ABCA4: variants seen among roughly 807,000 people sequenced by gnomAD.
ABCA4 encodes the protein ATP binding cassette subfamily A member 4, also known as retinal-specific phospholipid-transporting ATPase ABCA4.
In ABCA4, 196 loss-of-function variants were observed where a neutral mutation model predicts 263.7. The ratio of observed to expected loss-of-function variants is 0.74; its 90% CI spans 0.66 to 0.84. The LOEUF (loss-of-function observed/expected upper bound fraction) is 0.84. ABCA4 is among the 40% of genes least tolerant of loss of function. ABCA4 has a pLI of 0.00. For missense variants in ABCA4, 2,792 were observed against 2,855.1 expected, an observed-to-expected ratio of 0.98 and a Z score of 0.50; for synonymous variants, 1,133 against 1,094.2, an observed-to-expected ratio of 1.04 and a Z score of -0.70.
intron 16 of ABCA4, among the ~76,000 whole-genome samples, chr1:94,053,945 C>G (rs2101066161): frequency 6.6e-6 from 1 of 152,274 alleles, no homozygotes; most frequent in South Asian, 2.1e-4. Flanking sequence ...TGAGTTTGTC[C>G]CTCCCCATGG....
At chr1:94,101,495 A>G (rs897374312) in intron 5 of ABCA4, among the ~76,000 whole-genome samples, 8 of 152,196 alleles carry the variant, frequency 5.3e-5, no homozygotes, top group African/African-American at 1.9e-4. Context: ...CCAGAAAAGC[A>G]GGTATGAGCT....
chr1:94,017,131 T>C (rs142805949), intron 36 of ABCA4, among the ~76,000 whole-genome samples: 1 of 152,242 alleles, frequency 6.6e-6, no homozygotes, highest in East Asian at 1.9e-4. Context: ...GATGAATAAA[T>C]GGAAAATTGT....
chr1:94,048,660 A>G (rs1267846580), intron 18 of ABCA4, among the ~76,000 whole-genome samples: 4 of 152,208 alleles, frequency 2.6e-5, no homozygotes, highest in Non-Finnish European at 4.4e-5. Flanking sequence ...TTCTCCAGGA[A>G]ATATGCGCTA....
intron 20 of ABCA4, 111 bp from the exon 21 acceptor site, chr1:94,043,586 T>A: frequency 1.4e-6 from 2 of 1,421,550 alleles, no homozygotes; most frequent in Non-Finnish European, 1.9e-6. Flanking sequence ...ATCAAGATGC[T>A]CACTGTGGTG....
intron 6 of ABCA4, among the ~76,000 whole-genome samples, chr1:94,088,855 C>A (rs1557799304): frequency 6.6e-6 from 1 of 152,226 alleles, no homozygotes. Context: ...AGCCCAGAGG[C>A]ACAACCTAAG....
chr1:94,095,936 A>G (rs187979599), intron 6 of ABCA4, among the ~76,000 whole-genome samples: 1 of 151,788 alleles, frequency 6.6e-6, no homozygotes, highest in African/African-American at 2.4e-5. Context: ...GAGGCCGACT[A>G]CGGCAGAGCT....
intron 16 of ABCA4, among the ~76,000 whole-genome samples, chr1:94,053,278 G>A (rs747348026): frequency 2.0e-5 from 3 of 152,190 alleles, no homozygotes; most frequent in East Asian, 1.9e-4. Flanking sequence ...ATCTGAAGAC[G>A]GGGAAGCCTT....
chr1:94,008,102 G>A (rs1271493380), intron 42 of ABCA4, 133 bp downstream of exon 42: 3 of 828,142 alleles, frequency 3.6e-6, no homozygotes, highest in Non-Finnish European at 6.1e-6. Context: ...GCTAGTGGAA[G>A]ATTTAAAATT....
At chr1:94,022,299 T>A (rs1453302014) in intron 32 of ABCA4, among the ~76,000 whole-genome samples, 1 of 152,206 alleles carries the variant, frequency 6.6e-6, no homozygotes. Flanking sequence ...TGCCTTTGCA[T>A]GGCTGCTAGC....
chr1:94,037,084 C>T, intron 25 of ABCA4, 61 bp downstream of exon 25: 1 of 1,568,010 alleles, frequency 6.4e-7, no homozygotes, highest in Non-Finnish European at 8.8e-7. Context: ...TAATGTTAGA[C>T]TTTTTCAAAG....
intron 26 of ABCA4, among the ~76,000 whole-genome samples, chr1:94,032,289 T>G (rs1027382239): frequency 2.0e-5 from 3 of 152,114 alleles, no homozygotes; most frequent in African/African-American, 7.2e-5. Flanking sequence ...GAGAACAAAA[T>G]AGCTCTAAAA....
intron 11 of ABCA4, among the ~76,000 whole-genome samples, chr1:94,065,476 C>T (rs1048241545): frequency 6.6e-6 from 1 of 152,192 alleles, no homozygotes; most frequent in Non-Finnish European, 1.5e-5. Flanking sequence ...CCAATTCATT[C>T]GCCGAAACCT....
intron 40 of ABCA4, 21 bp from the exon 41 acceptor site, chr1:94,008,892 AG>A: frequency 6.2e-7 from 1 of 1,610,594 alleles, no homozygotes; most frequent in Non-Finnish European, 8.5e-7. Context: ...AAAAGGGGTC[AG>A]GATTGGGCTG....
intron 4 of ABCA4, among the ~76,000 whole-genome samples, chr1:94,105,149 T>A (rs187757665): frequency 6.6e-6 from 1 of 152,316 alleles, no homozygotes; most frequent in Admixed American, 6.5e-5. Flanking sequence ...CACCTCTCTC[T>A]GACACCCAGC....
At chr1:94,107,885 G>T (rs1423163447) in intron 4 of ABCA4, among the ~76,000 whole-genome samples, 1 of 152,060 alleles carries the variant, frequency 6.6e-6, no homozygotes, top group Non-Finnish European at 1.5e-5. Flanking sequence ...CACCCACTGA[G>T]ACTTCTATTC....
chr1:94,091,477 G>GT (rs1331331048), intron 6 of ABCA4, among the ~76,000 whole-genome samples: 1 of 151,812 alleles, frequency 6.6e-6, no homozygotes, highest in Non-Finnish European at 1.5e-5. Flanking sequence ...CACATGAATT[G>GT]TTTCTGTCAA....
At chr1:94,086,738 C>G (rs1661836439) in intron 6 of ABCA4, among the ~76,000 whole-genome samples, 1 of 152,128 alleles carries the variant, frequency 6.6e-6, no homozygotes, top group African/African-American at 2.4e-5. Flanking sequence ...TTCCACAGAC[C>G]TCCACATTTT....
Position 93,998,122 on chromosome 1 carries a change from A to G in ABCA4, c.6480-12T>C. The stretch of plus-strand genomic sequence containing the variant: ...AGCCATCTCCAAATCTAGGGGATGC[A>G]CACAGTGCAGGACAGGCCTCTGTTA... On this transcript the variant is annotated splice_polypyrimidine_tract_variant and intron_variant, in intron 47 of 49. Transcript: ENST00000370225. The G allele has an allele frequency of 6.2e-7, 1 of 1,614,164 alleles. No homozygotes were observed. The highest frequency in any genetic ancestry group is 8.5e-7 in the Non-Finnish European group (1 of 1,180,022).
chr1:94,008,121 G>T, intron 42 of ABCA4, 114 bp downstream of exon 42: 3 of 946,348 alleles, frequency 3.2e-6, no homozygotes, highest in South Asian at 1.4e-5. Flanking sequence ...TTACATATGT[G>T]ACTTGCATTA....
Sources: gnomAD v4.1 joint callset for allele counts (sites outside exome capture counted in the v4.1 genomes callset) on GRCh38, gnomAD v4.1.1 for gene constraint, MANE v1.5 for transcripts, NCBI Gene and HGNC (gene_info 2026-07-23, HGNC 2026-07-21) for gene names.